RBMS3: variants seen among roughly 807,000 people sequenced by gnomAD.
RBMS3 encodes RNA binding motif single stranded interacting protein 3.
A neutral mutation model predicts 66.8 loss-of-function variants in RBMS3; 27 were observed. The ratio of observed to expected loss-of-function variants is 0.40; its 90% CI spans 0.30 to 0.56. The LOEUF (loss-of-function observed/expected upper bound fraction) is 0.56, where lower values mean the gene tolerates loss of function less well. Ranked by LOEUF, RBMS3 falls within the 20% of genes least tolerant of loss-of-function variation. RBMS3 has a pLI of 0.40. For synonymous variants in RBMS3, 188 were observed against 183.0 expected, an observed-to-expected ratio of 1.03 and a Z score of -0.22; for missense variants, 513 against 549.5, an observed-to-expected ratio of 0.93 and a Z score of 0.66.
chr3:29,698,206 T>A (rs949901256), intron 4 of RBMS3: 1 of 984,876 alleles, frequency 1.0e-6, no homozygotes, highest in Admixed American at 6.2e-5. Context: ...AGGACTTCAA[T>A]TTTATAAGAG....
intron 1 of RBMS3, among the ~76,000 whole-genome samples, chr3:29,344,684 C>T (rs1575583620): frequency 6.6e-6 from 1 of 152,028 alleles, no homozygotes; most frequent in African/African-American, 2.4e-5. Flanking sequence ...GTATTTGCCA[C>T]CCAGACCACA....
intron 4 of RBMS3, among the ~76,000 whole-genome samples, chr3:29,739,284 GTC>G (rs1559622560): frequency 6.6e-6 from 1 of 151,794 alleles, no homozygotes; most frequent in African/African-American, 2.4e-5. Flanking sequence ...GTGAAACCCC[GTC>G]TCTACTAAAA....
At chr3:29,650,009 C>G (rs1322897327) in intron 4 of RBMS3, among the ~76,000 whole-genome samples, 1 of 152,116 alleles carries the variant, frequency 6.6e-6, no homozygotes, top group South Asian at 2.1e-4. Flanking sequence ...TGGCCACGCC[C>G]CTCAGGATGC....
chr3:29,570,856 T>C (rs1403468097), intron 3 of RBMS3, among the ~76,000 whole-genome samples: 2 of 152,198 alleles, frequency 1.3e-5, no homozygotes, highest in East Asian at 1.9e-4. Flanking sequence ...ATGGTATTTC[T>C]GTATCATATG....
chr3:29,891,514 T>C (rs2060001511), intron 8 of RBMS3, among the ~76,000 whole-genome samples: 1 of 151,620 alleles, frequency 6.6e-6, no homozygotes, highest in Non-Finnish European at 1.5e-5. Flanking sequence ...TTTTTACTAT[T>C]GCCCTATTGC....
At chr3:29,388,271 G>C (rs1248274707) in intron 1 of RBMS3, among the ~76,000 whole-genome samples, 3 of 152,138 alleles carry the variant, frequency 2.0e-5, no homozygotes, top group Non-Finnish European at 4.4e-5. Context: ...CTGACTCTCT[G>C]TAATAGAATG....
chr3:29,467,031 G>A (rs13067068), intron 2 of RBMS3, among the ~76,000 whole-genome samples: 42,366 of 151,806 alleles, frequency 0.28, 6,107 homozygotes, highest in Admixed American at 0.4. Context: ...CAAAGGCTAT[G>A]GGGAAATTTT....
chr3:29,373,464 C>A (rs769425021), intron 1 of RBMS3, among the ~76,000 whole-genome samples: 1 of 152,128 alleles, frequency 6.6e-6, no homozygotes, highest in Non-Finnish European at 1.5e-5. Flanking sequence ...CAAATTGAAA[C>A]AATTAACCAA....
intron 3 of RBMS3, among the ~76,000 whole-genome samples, chr3:29,518,582 A>G (rs969852253): frequency 6.6e-6 from 1 of 152,232 alleles, no homozygotes; most frequent in Non-Finnish European, 1.5e-5. Flanking sequence ...TTCAGGATCA[A>G]TTAGCAACTC....
At chr3:29,386,653 C>T (rs1366489116) in intron 1 of RBMS3, among the ~76,000 whole-genome samples, 1 of 152,196 alleles carries the variant, frequency 6.6e-6, no homozygotes, top group Non-Finnish European at 1.5e-5. Flanking sequence ...AGCATACAGA[C>T]ATGCTGCAAT....
chr3:29,302,747 G>GCC (rs1362358601), intron 1 of RBMS3, among the ~76,000 whole-genome samples: 1 of 152,004 alleles, frequency 6.6e-6, no homozygotes, highest in Admixed American at 6.6e-5. Flanking sequence ...AAACTCCCTT[G>GCC]CCAATAGAGA....
At chr3:29,872,886 G>A (rs892472604) in intron 7 of RBMS3, among the ~76,000 whole-genome samples, 5 of 152,136 alleles carry the variant, frequency 3.3e-5, no homozygotes, top group African/African-American at 1.2e-4. Flanking sequence ...TTTTGTTGAA[G>A]ATCAAATAGT....
chr3:29,818,098 A>G (rs2057966459), intron 6 of RBMS3, among the ~76,000 whole-genome samples: 1 of 152,174 alleles, frequency 6.6e-6, no homozygotes, highest in Non-Finnish European at 1.5e-5. Flanking sequence ...TGAGAAAGAT[A>G]TATAATTAAC....
At chr3:29,527,960 G>T (rs1190366933) in intron 3 of RBMS3, among the ~76,000 whole-genome samples, 1 of 151,414 alleles carries the variant, frequency 6.6e-6, no homozygotes, top group Non-Finnish European at 1.5e-5. Flanking sequence ...AGAAATAGCA[G>T]ATATAATCTA....
chr3:29,505,399 C>G (rs760543761), intron 3 of RBMS3, among the ~76,000 whole-genome samples: 4 of 151,670 alleles, frequency 2.6e-5, no homozygotes, highest in Admixed American at 1.3e-4. Flanking sequence ...GATCTCTATT[C>G]TGTTCCACTG....
intron 11 of RBMS3, among the ~76,000 whole-genome samples, chr3:29,942,111 CAAAG>C (rs1250845830): frequency 6.6e-6 from 1 of 151,560 alleles, no homozygotes; most frequent in East Asian, 1.9e-4. Context: ...TAATGTCTAA[CAAAG>C]AAGAATAATT....
intron 4 of RBMS3, among the ~76,000 whole-genome samples, chr3:29,701,889 C>A (rs1030394879): frequency 1.3e-5 from 2 of 151,266 alleles, no homozygotes; most frequent in South Asian, 4.1e-4. Flanking sequence ...CGGCGCCGCC[C>A]GGTCCCATCG....
chr3:29,702,790 G>A (rs889842489), intron 4 of RBMS3, among the ~76,000 whole-genome samples: 1 of 152,144 alleles, frequency 6.6e-6, no homozygotes, highest in African/African-American at 2.4e-5. Context: ...CCACCAGAAG[G>A]AAGAAACTCC....
intron 1 of RBMS3, among the ~76,000 whole-genome samples, chr3:29,376,009 TATGAAAAGGAATGAGATC>T (rs1209134554): frequency 1.3e-5 from 2 of 152,060 alleles, no homozygotes; most frequent in Non-Finnish European, 2.9e-5. Flanking sequence ...TATGGAATAC[TATGAAAAGGAATGAGATC>T]ATGTCCTTTG....
Sources: gnomAD v4.1 joint callset for allele counts (sites outside exome capture counted in the v4.1 genomes callset) on GRCh38, gnomAD v4.1.1 for gene constraint, MANE v1.5 for transcripts, NCBI Gene and HGNC (gene_info 2026-07-23, HGNC 2026-07-21) for gene names.